The following DLC1 variants were observed in gnomAD, a reference collection of about 807,000 sequenced individuals.
DLC1 encodes the protein rho GTPase-activating protein 7.
DLC1 carries 54 observed loss-of-function variants against 140.3 expected under a neutral mutation model. That is an observed-to-expected ratio of 0.38 (90% CI 0.31 to 0.48). The LOEUF is 0.48. Among genes scored for constraint, DLC1 ranks in the 20% least tolerant of loss-of-function variants. The pLI is 0.96. For missense variants in DLC1, 2,536 were observed against 1,907.0 expected, an observed-to-expected ratio of 1.33 and a Z score of -6.14; for synonymous variants, 986 against 728.1, an observed-to-expected ratio of 1.35 and a Z score of -5.70.
chr8:13,352,344 T>C (rs1276582324), intron 4 of DLC1, among the ~76,000 whole-genome samples: 1 of 152,238 alleles, frequency 6.6e-6, no homozygotes, highest in Non-Finnish European at 1.5e-5. Flanking sequence ...ATTTTTTAAA[T>C]TTAAATGTAT....
chr8:13,312,468 G>C (rs932750477), intron 4 of DLC1, among the ~76,000 whole-genome samples: 5 of 146,806 alleles, frequency 3.4e-5, no homozygotes, highest in African/African-American at 1.2e-4. Flanking sequence ...TGTCTTTATT[G>C]AATTTTTAAT....
intron 5 of DLC1, among the ~76,000 whole-genome samples, chr8:13,226,079 C>CT (rs939529838): frequency 6.6e-6 from 1 of 151,982 alleles, no homozygotes; most frequent in African/African-American, 2.4e-5. Flanking sequence ...CACTTGGCTA[C>CT]TTTTTTTGAT....
chr8:13,120,356 A>AAAAAAAAAAAAAAAATATATATAT, intron 5 of DLC1, among the ~76,000 whole-genome samples: 17 of 61,118 alleles, frequency 2.8e-4, no homozygotes, highest in African/African-American at 3.7e-4. Flanking sequence ...AAAAAAAAAA[A>AAAAAAAAAAAAAAAATATATATAT]ATATATATAT....
chr8:13,169,063 T>C (rs1466562091), intron 5 of DLC1, among the ~76,000 whole-genome samples: 1 of 152,254 alleles, frequency 6.6e-6, no homozygotes, highest in African/African-American at 2.4e-5. Flanking sequence ...TACATAGGCA[T>C]CTATCTTCAT....
intron 5 of DLC1, among the ~76,000 whole-genome samples, chr8:13,268,519 G>A (rs930321519): frequency 5.3e-5 from 8 of 152,170 alleles, no homozygotes; most frequent in African/African-American, 1.9e-4. Context: ...CGAGTATTTG[G>A]GGCTACAGGT....
At chr8:13,185,122 C>CTTTTT (rs1193667992) in intron 5 of DLC1, among the ~76,000 whole-genome samples, 44 of 84,554 alleles carry the variant, frequency 5.2e-4, no homozygotes, top group African/African-American at 8.8e-4. Context: ...GCAACCCCTG[C>CTTTTT]TTTTTTTTTT....
At chr8:13,290,712 T>A (rs3842964) in intron 5 of DLC1, among the ~76,000 whole-genome samples, 5 of 152,074 alleles carry the variant, frequency 3.3e-5, no homozygotes, top group Middle Eastern at 3.4e-3. Context: ...CCTGGAAATC[T>A]TCAAAGACAA....
At position 13,110,722 on chromosome 8, in the gene DLC1, C is replaced by T. The variant is rs1820020889; in HGVS notation, c.1502+20G>A. 3.7e-6 allele frequency: 6 copies of T among 1,608,864 alleles called. No individual in the cohort carries two copies. Among genetic ancestry groups the T allele is most frequent in the Non-Finnish European group, 5.1e-6 (6 of 1,176,724 alleles). On this transcript the variant is annotated intron_variant, in intron 7 of 17. Transcript: ENST00000276297. Reference sequence around the variant, plus strand: ...TCTTAAAAAATAAAAAAGGAAAACACTCAAAACGTGTCCATTTACCTGCAT... The same window carrying T: ...TCTTAAAAAATAAAAAAGGAAAACATTCAAAACGTGTCCATTTACCTGCAT...
intron 5 of DLC1, among the ~76,000 whole-genome samples, chr8:13,139,376 A>T (rs1406909305): frequency 6.6e-6 from 1 of 151,754 alleles, no homozygotes; most frequent in African/African-American, 2.4e-5. Context: ...AATGTGATCT[A>T]ATTTTCAGAT....
intron 2 of DLC1, among the ~76,000 whole-genome samples, chr8:13,458,830 G>GA (rs60250229): frequency 0.25 from 36,516 of 145,644 alleles, 5,442 homozygotes; most frequent in Middle Eastern, 0.38. Context: ...TCTTCATTTG[G>GA]AAAAAAAAAA....
At chr8:13,114,692 C>T (rs1278381454) in intron 6 of DLC1, among the ~76,000 whole-genome samples, 1 of 152,086 alleles carries the variant, frequency 6.6e-6, no homozygotes, top group Non-Finnish European at 1.5e-5. Context: ...AAAAAGAGCC[C>T]TTATAAATCA....
intron 7 of DLC1, among the ~76,000 whole-genome samples, chr8:13,108,504 G>A (rs967690339): frequency 6.6e-6 from 1 of 152,168 alleles, no homozygotes; most frequent in Non-Finnish European, 1.5e-5. Context: ...GGTACTCAGA[G>A]CCAGTGTAAA....
chr8:13,565,278 T>C (rs1264998950), intron 1 of DLC1, among the ~76,000 whole-genome samples: 2 of 152,206 alleles, frequency 1.3e-5, no homozygotes, highest in African/African-American at 2.4e-5. Flanking sequence ...CCCCAGACAT[T>C]TGGCATGTTA....
At chr8:13,308,059 C>A (rs891471882) in intron 4 of DLC1, among the ~76,000 whole-genome samples, 1 of 152,142 alleles carries the variant, frequency 6.6e-6, no homozygotes, top group Non-Finnish European at 1.5e-5. Flanking sequence ...AGCTTTGCCC[C>A]AAATCACAAG....
chr8:13,256,861 C>T (rs977820666), intron 5 of DLC1, among the ~76,000 whole-genome samples: 8 of 141,868 alleles, frequency 5.6e-5, no homozygotes, highest in African/African-American at 1.1e-4. Context: ...GTAAGTTCTG[C>T]ACATGTATCC....
intron 5 of DLC1, among the ~76,000 whole-genome samples, chr8:13,285,957 T>G (rs1394794500): frequency 6.6e-6 from 1 of 152,078 alleles, no homozygotes; most frequent in Admixed American, 6.6e-5. Flanking sequence ...CATGAGAGAA[T>G]TTTTAGATGT....
intron 5 of DLC1, among the ~76,000 whole-genome samples, chr8:13,288,062 A>G (rs1349537836): frequency 1.3e-5 from 2 of 152,134 alleles, no homozygotes; most frequent in Non-Finnish European, 2.9e-5. Context: ...AATAAATCAG[A>G]GCTCAGTTTT....
chr8:13,290,262 A>G (rs1369949164), intron 5 of DLC1, among the ~76,000 whole-genome samples: 3 of 152,160 alleles, frequency 2.0e-5, no homozygotes, highest in Non-Finnish European at 4.4e-5. Flanking sequence ...TGAAATTTCC[A>G]CTGATATTAA....
At chr8:13,236,981 T>G (rs1563187841) in intron 5 of DLC1, among the ~76,000 whole-genome samples, 2 of 152,196 alleles carry the variant, frequency 1.3e-5, no homozygotes, top group Middle Eastern at 3.4e-3. Flanking sequence ...CTTTTCAGAT[T>G]ACAAATTTCT....
Sources: allele counts gnomAD v4.1 joint callset (sites outside exome capture counted in the v4.1 genomes callset), GRCh38; gene constraint gnomAD v4.1.1; transcripts MANE v1.5; gene names NCBI Gene and HGNC (gene_info 2026-07-23, HGNC 2026-07-21).